PRKG1: variants seen among roughly 807,000 people sequenced by gnomAD.
The protein encoded by PRKG1 is cGMP-dependent protein kinase 1.
In PRKG1, 35 loss-of-function variants were observed where a neutral mutation model predicts 88.1. That is an observed-to-expected ratio of 0.40 (90% CI 0.30 to 0.53). The LOEUF is 0.53. Ranked by LOEUF, PRKG1 falls within the 20% of genes least tolerant of loss-of-function variation. PRKG1 has a pLI of 0.59. For synonymous variants in PRKG1, 303 were observed against 292.5 expected (o/e 1.04, Z -0.37); for missense variants, 540 against 839.8 (o/e 0.64, Z 4.41).
At position 50,991,831 on chromosome 10, in the gene PRKG1, T is replaced by C. The variant is rs1210011979; in HGVS notation, c.266+187T>C. On this transcript the variant is annotated intron_variant, in intron 1 of 17. Coordinates refer to the PRKG1 transcript ENST00000401604. The surrounding 1 kb of genome is among the most constrained non-coding windows in gnomAD (Gnocchi z 4.5). Reference sequence around the variant, plus strand: ...ATTTTTATTTCTGCCCATCACGTGCTGTGCTTGTCTCCGCCGGGCTGGGAA... The same window carrying C: ...ATTTTTATTTCTGCCCATCACGTGCCGTGCTTGTCTCCGCCGGGCTGGGAA... 6.6e-6 allele frequency among the ~76,000 whole-genome samples: 1 copy of C among 152,130 alleles called. No individual in the cohort carries two copies. The highest frequency in any genetic ancestry group is 1.5e-5 in the Non-Finnish European group (1 of 67,996).
chr10:51,232,580 A>G (rs531693957), intron 2 of PRKG1, among the ~76,000 whole-genome samples: 67 of 152,342 alleles, frequency 4.4e-4, no homozygotes, highest in African/African-American at 1.6e-3. Context: ...CCTACAAAAA[A>G]GACACAGTGA....
intron 1 of PRKG1, among the ~76,000 whole-genome samples, chr10:51,080,774 T>C (rs1844090223): frequency 1.3e-5 from 2 of 152,204 alleles, no homozygotes; most frequent in African/African-American, 4.8e-5. Flanking sequence ...CTTGTCTGCT[T>C]CCTCACACTC....
At chr10:51,848,222 C>T (rs1840454102) in intron 4 of PRKG1, among the ~76,000 whole-genome samples, 1 of 151,980 alleles carries the variant, frequency 6.6e-6, no homozygotes, top group Admixed American at 6.6e-5. Context: ...TTCTTTTTTG[C>T]TAAATCCCCT....
intron 5 of PRKG1, among the ~76,000 whole-genome samples, chr10:51,965,177 A>G (rs1399269052): frequency 6.6e-6 from 1 of 152,136 alleles, no homozygotes; most frequent in African/African-American, 2.4e-5. Context: ...TATTTCATCA[A>G]TGAGGTATTA....
Position 51,517,567 on chromosome 10 carries a change from C to T in PRKG1, c.592+49731C>T, listed in dbSNP as rs186178376. 1.8e-4 allele frequency among the ~76,000 whole-genome samples: 28 copies of T among 152,314 alleles called. No homozygotes were observed. The East Asian group carries it at 5.4e-3, about 29-fold the overall frequency. On this transcript the variant is annotated intron_variant, in intron 3 of 17. Transcript: ENST00000373980. ...TGACAAGACAGAAAGATCAGAAAGG[C>T]ATTGACATTTTCCATCTTCTTCTGT...
intron 3 of PRKG1, among the ~76,000 whole-genome samples, chr10:51,651,200 A>T (rs986964125): frequency 6.6e-6 from 1 of 152,176 alleles, no homozygotes; most frequent in Non-Finnish European, 1.5e-5. Flanking sequence ...ATACCTAAGG[A>T]ATTTCATAAC....
intron 5 of PRKG1, among the ~76,000 whole-genome samples, chr10:51,956,255 C>T: frequency 6.6e-6 from 1 of 151,904 alleles, no homozygotes; most frequent in Admixed American, 6.6e-5. Context: ...ATACTTTCCC[C>T]ATAAGCTCTG....
chr10:52,202,149 T>C (rs1417417197), intron 9 of PRKG1, among the ~76,000 whole-genome samples: 1 of 152,106 alleles, frequency 6.6e-6, no homozygotes, highest in Non-Finnish European at 1.5e-5. Flanking sequence ...TCAAGGGGAA[T>C]GCTTCCAGGT....
chr10:51,411,024 T>C (rs758215888), intron 2 of PRKG1, among the ~76,000 whole-genome samples: 7 of 152,066 alleles, frequency 4.6e-5, no homozygotes, highest in Non-Finnish European at 1.0e-4. Flanking sequence ...AGATGGAATC[T>C]CTCTCTGTCA....
intron 4 of PRKG1, among the ~76,000 whole-genome samples, chr10:51,862,576 T>A (rs1206682853): frequency 6.6e-6 from 1 of 152,018 alleles, no homozygotes; most frequent in African/African-American, 2.4e-5. Context: ...GAGCTCAGAA[T>A]GGGGGAGTGC....
At chr10:51,065,466 A>G (rs1312070325) in intron 1 of PRKG1, among the ~76,000 whole-genome samples, 2 of 152,136 alleles carry the variant, frequency 1.3e-5, no homozygotes, top group Admixed American at 6.6e-5. Context: ...ACAGGCAAAT[A>G]TGTTGTTCAA....
intron 3 of PRKG1, chr10:51,696,261 A>AGTCTG: frequency 6.6e-6 from 1 of 152,270 alleles, no homozygotes; most frequent in East Asian, 1.9e-4. Context: ...AATGCTCTTT[A>AGTCTG]AAGGTTTTTA....
intron 3 of PRKG1, among the ~76,000 whole-genome samples, chr10:51,769,856 A>G (rs1037813822): frequency 6.6e-6 from 1 of 152,228 alleles, no homozygotes; most frequent in African/African-American, 2.4e-5. Flanking sequence ...GGGAAAAAAA[A>G]GTCAAAAAAC....
At chr10:51,703,956 G>A (rs1229536248) in intron 3 of PRKG1, among the ~76,000 whole-genome samples, 1 of 151,876 alleles carries the variant, frequency 6.6e-6, no homozygotes, top group East Asian at 1.9e-4. Context: ...GGCCAACATG[G>A]TGAAATGGTG....
chr10:51,636,804 G>A (rs1839667403), intron 3 of PRKG1, among the ~76,000 whole-genome samples: 1 of 152,118 alleles, frequency 6.6e-6, no homozygotes, highest in Admixed American at 6.5e-5. Flanking sequence ...TTTATTTTGA[G>A]CTATTTTCAC....
intron 2 of PRKG1, among the ~76,000 whole-genome samples, chr10:51,441,820 C>G (rs896790886): frequency 2.6e-5 from 4 of 151,988 alleles, no homozygotes; most frequent in African/African-American, 9.7e-5. Context: ...TATTACACCA[C>G]TCTCATCTGT....
intron 5 of PRKG1, among the ~76,000 whole-genome samples, chr10:51,984,076 C>A (rs1844087566): frequency 6.6e-6 from 1 of 152,170 alleles, no homozygotes; most frequent in Non-Finnish European, 1.5e-5. Context: ...ACACATTAAC[C>A]ACCTTGTGCG....
At position 52,256,122 on chromosome 10, in the gene PRKG1, T is replaced by G. The variant is rs1023935516; in HGVS notation, c.1173+4456T>G. 2.9e-5 allele frequency among the ~76,000 whole-genome samples: 4 copies of G among 139,212 alleles called. 1 individual carries two copies. The highest frequency in any genetic ancestry group is 5.0e-5 in the African/African-American group (2 of 40,282). 91.3% of individuals were successfully genotyped at this position (139,212 alleles called of 152,430 possible). A position where few individuals can be genotyped will look rare whatever the true frequency, so the allele number is the denominator to read the frequency against. ...TCTGCCATTCTGGGTTTTAAAAATA[T>G]TTGGATTCTTACCACCACCATCAAC... On this transcript the variant is annotated intron_variant, in intron 10 of 17. Transcript: ENST00000373980.
chr10:51,897,224 AT>A (rs1395317424), intron 4 of PRKG1, among the ~76,000 whole-genome samples: 1 of 152,230 alleles, frequency 6.6e-6, no homozygotes, highest in Non-Finnish European at 1.5e-5. Flanking sequence ...CTTCATCAAT[AT>A]GGATTGATTT....
Sources: gnomAD v4.1 joint callset for allele counts (sites outside exome capture counted in the v4.1 genomes callset) on GRCh38, gnomAD v4.1.1 for gene constraint, Gnocchi (gnomAD v3.1) non-coding constraint, MANE v1.5 for transcripts, NCBI Gene and HGNC (gene_info 2026-07-23, HGNC 2026-07-21) for gene names.